The following SLC35F3 variants were observed in gnomAD, a reference collection of about 807,000 sequenced individuals.
SLC35F3 encodes the protein putative thiamine transporter SLC35F3.
Under a neutral mutation model 49.9 loss-of-function variants are expected in SLC35F3, and 25 were observed. The observed-to-expected ratio is 0.50, with a 90% CI of 0.37 to 0.70. The LOEUF is 0.70. Among genes scored for constraint, SLC35F3 ranks in the 30% least tolerant of loss-of-function variants. The pLI is 0.00. For missense variants in SLC35F3, 525 were observed against 639.8 expected, an observed-to-expected ratio of 0.82 and a Z score of 1.94; for synonymous variants, 275 against 265.4, an observed-to-expected ratio of 1.04 and a Z score of -0.35.
At position 233,905,021 on chromosome 1, in the gene SLC35F3, G is replaced by A. The variant is rs1355231750; in HGVS notation, c.-57G>A. 5.2e-6 allele frequency: 8 copies of A among 1,532,824 alleles called. No individual in the cohort carries two copies. In the African/African-American group the frequency reaches 1.1e-4, roughly 21 times the overall value. The allele number at this position is 1,532,824 out of a possible 1,614,324, so 95.0% of individuals were successfully genotyped here. On this transcript the variant is annotated 5_prime_UTR_variant, in exon 1 of 8. Coordinates refer to ENST00000366618, the MANE Select transcript of SLC35F3 (RefSeq NM_173508.4). Reference sequence around the variant, plus strand: ...AGGCTAGCGGCTGCAGGGAGCTCCGGCCCGCGGCCCCTCCGCCTCAAGTCT... The same window carrying A: ...AGGCTAGCGGCTGCAGGGAGCTCCGACCCGCGGCCCCTCCGCCTCAAGTCT...
chr1:234,220,159 A>C (rs1315423254), intron 2 of SLC35F3, among the ~76,000 whole-genome samples: 1 of 149,950 alleles, frequency 6.7e-6, no homozygotes, highest in Non-Finnish European at 1.5e-5. Flanking sequence ...GTGGTGTTCA[A>C]ACTGGGTTAT....
At chr1:234,052,306 A>C (rs993065770) in intron 2 of SLC35F3, among the ~76,000 whole-genome samples, 4 of 152,182 alleles carry the variant, frequency 2.6e-5, no homozygotes, top group Admixed American at 2.6e-4. Flanking sequence ...TTATTGCCTC[A>C]ATTTCAGAGC....
At chr1:234,221,716 G>T (rs1667209069) in intron 2 of SLC35F3, among the ~76,000 whole-genome samples, 1 of 152,154 alleles carries the variant, frequency 6.6e-6, no homozygotes, top group Non-Finnish European at 1.5e-5. Flanking sequence ...AGGGACTGGA[G>T]GGAAGAACAC....
intron 3 of SLC35F3, among the ~76,000 whole-genome samples, chr1:234,258,556 T>C (rs1667855885): frequency 6.6e-6 from 1 of 152,230 alleles, no homozygotes; most frequent in Admixed American, 6.5e-5. Context: ...TTTCATTAGT[T>C]TTACAAAGGC....
chr1:234,269,353 A>G (rs554444268), intron 3 of SLC35F3, among the ~76,000 whole-genome samples: 34 of 152,250 alleles, frequency 2.2e-4, no homozygotes, highest in African/African-American at 7.5e-4. Flanking sequence ...GTGGGAAGTA[A>G]CCAGAATAGA....
At chr1:234,149,211 A>G (rs1257873817) in intron 2 of SLC35F3, among the ~76,000 whole-genome samples, 1 of 152,168 alleles carries the variant, frequency 6.6e-6, no homozygotes, top group African/African-American at 2.4e-5. Flanking sequence ...AAGATGGAAC[A>G]TTACAGGGCC....
intron 2 of SLC35F3, among the ~76,000 whole-genome samples, chr1:234,064,791 A>C (rs768628759): frequency 6.6e-6 from 1 of 152,154 alleles, no homozygotes; most frequent in Non-Finnish European, 1.5e-5. Flanking sequence ...AGGGCCATAA[A>C]TTGTTACTAA....
chr1:234,287,435 A>G (rs1366462528), intron 3 of SLC35F3, among the ~76,000 whole-genome samples: 2 of 152,208 alleles, frequency 1.3e-5, no homozygotes, highest in East Asian at 3.9e-4. Flanking sequence ...TCTGTGACCT[A>G]CTAGGACAGG....
intron 2 of SLC35F3, among the ~76,000 whole-genome samples, chr1:234,030,826 A>G (rs1664051029): frequency 6.6e-6 from 1 of 152,226 alleles, no homozygotes. Context: ...GAAGATTGGG[A>G]TAAACCAAGA....
intron 3 of SLC35F3, among the ~76,000 whole-genome samples, chr1:234,252,304 A>C (rs1161800382): frequency 6.6e-6 from 1 of 152,186 alleles, no homozygotes; most frequent in Non-Finnish European, 1.5e-5. Flanking sequence ...TCCTGGCCTC[A>C]AGTGATTCGC....
intron 3 of SLC35F3, among the ~76,000 whole-genome samples, chr1:234,262,290 G>A (rs1014731524): frequency 1.3e-5 from 2 of 152,214 alleles, no homozygotes; most frequent in Non-Finnish European, 2.9e-5. Flanking sequence ...TGCTTGCTGT[G>A]CATTTAGGCG....
At chr1:233,938,827 A>G (rs1384382091) in intron 2 of SLC35F3, among the ~76,000 whole-genome samples, 1 of 152,192 alleles carries the variant, frequency 6.6e-6, no homozygotes, top group African/African-American at 2.4e-5. Flanking sequence ...AATACAAGAA[A>G]TTGAGTCATA....
intron 2 of SLC35F3, among the ~76,000 whole-genome samples, chr1:234,121,133 C>CTTTTTTTTTTTTTTTTTTT (rs66702949): frequency 9.7e-6 from 1 of 102,794 alleles, no homozygotes; most frequent in African/African-American, 3.4e-5. Context: ...TGAAAAATTA[C>CTTTTTTTTTTTTTTTTTTT]TTTTTTTTTT....
At chr1:234,125,282 C>T (rs1259644505) in intron 2 of SLC35F3, among the ~76,000 whole-genome samples, 4 of 152,024 alleles carry the variant, frequency 2.6e-5, no homozygotes. Flanking sequence ...AACAAACGAC[C>T]CCCGAATCTC....
At chr1:234,016,028 C>A (rs905831209) in intron 2 of SLC35F3, among the ~76,000 whole-genome samples, 32 of 152,042 alleles carry the variant, frequency 2.1e-4, no homozygotes, top group African/African-American at 7.7e-4. Context: ...TACAAATGCC[C>A]AAGAGATATG....
chr1:234,035,912 G>C (rs1664133726), intron 2 of SLC35F3, among the ~76,000 whole-genome samples: 1 of 152,134 alleles, frequency 6.6e-6, no homozygotes, highest in Non-Finnish European at 1.5e-5. Flanking sequence ...GTTTGTTTCA[G>C]CTCCTATATT....
At chr1:234,102,691 C>T (rs1665231362) in intron 2 of SLC35F3, among the ~76,000 whole-genome samples, 1 of 152,212 alleles carries the variant, frequency 6.6e-6, no homozygotes, top group Non-Finnish European at 1.5e-5. Flanking sequence ...ACAACTTCAG[C>T]TCTCCACGAC....
intron 2 of SLC35F3, among the ~76,000 whole-genome samples, chr1:234,078,848 G>A (rs1456847566): frequency 1.3e-5 from 2 of 152,180 alleles, no homozygotes; most frequent in African/African-American, 4.8e-5. Context: ...TGACCTTGCA[G>A]GTCAGAACTG....
chr1:234,219,907 CAGAG>C (rs762956740), intron 2 of SLC35F3, among the ~76,000 whole-genome samples: 32 of 152,320 alleles, frequency 2.1e-4, no homozygotes, highest in Non-Finnish European at 3.7e-4. Context: ...CATTTCCTGA[CAGAG>C]GGAGCCACAG....
Sources: allele counts gnomAD v4.1 joint callset (sites outside exome capture counted in the v4.1 genomes callset), GRCh38; gene constraint gnomAD v4.1.1; transcripts MANE v1.5; gene names NCBI Gene and HGNC (gene_info 2026-07-23, HGNC 2026-07-21).